The following CD9 variants were observed in gnomAD, a reference collection of about 807,000 sequenced individuals.
CD9 encodes the protein CD9 antigen.
Under a neutral mutation model 31.4 loss-of-function variants are expected in CD9, and 10 were observed. The ratio of observed to expected loss-of-function variants is 0.32; its 90% CI spans 0.20 to 0.54. The LOEUF (loss-of-function observed/expected upper bound fraction) is 0.54, where lower values mean the gene tolerates loss of function less well. Ranked by LOEUF, CD9 falls within the 20% of genes least tolerant of loss-of-function variation. The pLI, the probability that CD9 is intolerant of heterozygous loss-of-function variation, is 0.94. For synonymous variants in CD9, 113 were observed against 114.1 expected (o/e 0.99, Z 0.06); for missense variants, 259 against 300.1 (o/e 0.86, Z 1.01).
At chr12:6,214,677 TTC>T (rs962626949) in intron 1 of CD9, among the ~76,000 whole-genome samples, 1 of 152,098 alleles carries the variant, frequency 6.6e-6, no homozygotes, top group African/African-American at 2.4e-5. Flanking sequence ...AAAATTGTTT[TTC>T]TAGAGTTCGG....
chr12:6,201,161 T>A (rs936096673), intron 1 of CD9, among the ~76,000 whole-genome samples: 1 of 152,172 alleles, frequency 6.6e-6, no homozygotes, highest in Non-Finnish European at 1.5e-5. Flanking sequence ...CCCTCCACCC[T>A]TGAGGAGGAA....
chr12:6,232,788 C>A lies in CD9; in HGVS notation c.273+59C>A, dbSNP rs753350410. The A allele has an allele frequency of 7.1e-5, 80 of 1,120,362 alleles. No homozygotes were observed. Among genetic ancestry groups the A allele is most frequent in the Non-Finnish European group, 1.0e-4 (78 of 767,952 alleles). The allele number at this position is 1,120,362 out of a possible 1,614,324, so 69.4% of individuals were successfully genotyped here. On this transcript the variant is annotated intron_variant, in intron 3 of 7. Coordinates refer to ENST00000009180, the MANE Select transcript of CD9 (RefSeq NM_001769.4). The surrounding 1 kb of genome is among the most constrained non-coding windows in gnomAD (Gnocchi z 4.8). ...TGACTCCCACCAACAAAAACCTCAG[C>A]AGGCCCAGACCCAGACCACAGAACA...
intron 1 of CD9, among the ~76,000 whole-genome samples, chr12:6,206,994 C>T (rs1946139695): frequency 6.6e-6 from 1 of 151,768 alleles, no homozygotes; most frequent in Non-Finnish European, 1.5e-5. Flanking sequence ...GGGCTTTACA[C>T]AATCCTGGCC....
chr12:6,202,424 T>G (rs967614533), intron 1 of CD9, among the ~76,000 whole-genome samples: 1 of 152,176 alleles, frequency 6.6e-6, no homozygotes, highest in Non-Finnish European at 1.5e-5. Context: ...CCCTTGAACT[T>G]TGGGAGTTTT....
At position 6,215,618 on chromosome 12, in the gene CD9, G is replaced by A. The variant is rs545581522; in HGVS notation, c.67-9808G>A. On this transcript the variant is annotated intron_variant, in intron 1 of 7. Coordinates refer to ENST00000009180, the MANE Select transcript of CD9 (RefSeq NM_001769.4). ...GTTTGAGCACTGCCTTCAGACAGTG[G>A]CTCGGTAGAAGTCCCAAGAGCAGAA... Among the ~76,000 whole-genome samples the A allele has an allele frequency of 5.9e-5, 9 of 152,330 alleles. No individual in the cohort carries two copies. The South Asian group carries it at 6.2e-4, about 11-fold the overall frequency.
intron 4 of CD9, chr12:6,234,543 A>G (rs947316183): frequency 6.6e-6 from 1 of 152,252 alleles, no homozygotes; most frequent in Non-Finnish European, 1.5e-5. Context: ...TCATTGTGAA[A>G]AATGTCAGAC....
At position 6,232,318 on chromosome 12, in the gene CD9, A is replaced by C; in HGVS notation, c.176-314A>C. On this transcript the variant is annotated intron_variant, in intron 2 of 7. Transcript: ENST00000009180. The surrounding 1 kb of genome is among the most constrained non-coding windows in gnomAD (Gnocchi z 4.8). ...ACAGACTGGACCAGTTTGCATTCCG[A>C]ATGTAGGGATTCCCGTGGATATTCT... 2.3e-6 allele frequency: 1 copy of C among 439,418 alleles called. No individual in the cohort carries two copies. Among genetic ancestry groups the C allele is most frequent in the Non-Finnish European group, 4.2e-6 (1 of 238,802 alleles). The allele number at this position is 439,418 out of a possible 1,614,324, so 27.2% of individuals were successfully genotyped here. A position where few individuals can be genotyped will look rare whatever the true frequency, so the allele number is the denominator to read the frequency against.
At chr12:6,222,539 CG>C (rs1321904919) in intron 1 of CD9, among the ~76,000 whole-genome samples, 1 of 152,166 alleles carries the variant, frequency 6.6e-6, no homozygotes, top group Non-Finnish European at 1.5e-5. Flanking sequence ...GGTCCGAATG[CG>C]GGGGACTCCC....
Position 6,232,551 on chromosome 12 carries a change from A to T in CD9, c.176-81A>T. 1.2e-6 allele frequency: 1 copy of T among 854,048 alleles called. No individual in the cohort carries two copies. Among genetic ancestry groups the T allele is most frequent in the Non-Finnish European group, 1.9e-6 (1 of 521,138 alleles). 52.9% of individuals were successfully genotyped at this position (854,048 alleles called of 1,614,324 possible). A position where few individuals can be genotyped will look rare whatever the true frequency, so the allele number is the denominator to read the frequency against. On this transcript the variant is annotated intron_variant, in intron 2 of 7. Transcript: ENST00000009180. This position sits in a 1 kb window ranked among gnomAD's most constrained non-coding sequence, Gnocchi z 4.8. ...AGGTGGGGAGGCAGGAGTTAGGCAG[A>T]GGGAAACAGGAATTGCCGGAGATGC... is the stretch of plus-strand genomic sequence containing the variant.
rs71064199 is a variant in CD9, at chr12:6,209,679, C to CT, written c.66+9135dup. Among the ~76,000 whole-genome samples, 440 of 132,592 alleles carry CT rather than the reference C, an allele frequency of 3.3e-3. 2 individuals are homozygous for CT. Among genetic ancestry groups the CT allele is most frequent in the African/African-American group, 5.3e-3 (182 of 34,472 alleles). The allele number at this position is 132,592 out of a possible 152,430, so 87.0% of individuals were successfully genotyped here. On this transcript the variant is annotated intron_variant, in intron 1 of 7. Transcript: ENST00000009180. ...CTTTAGAGACCCAGACTGCAAATTT[C>CT]TTTTTTTTTTTTTTTTTTTTTCTGA...
chr12:6,213,088 C>T (rs1342770388), intron 1 of CD9, among the ~76,000 whole-genome samples: 1 of 152,182 alleles, frequency 6.6e-6, no homozygotes, highest in Non-Finnish European at 1.5e-5. Flanking sequence ...ACGATTGTTA[C>T]TGGGACTAAG....
chr12:6,229,991 C>T (rs1424928012), intron 2 of CD9, among the ~76,000 whole-genome samples: 1 of 152,178 alleles, frequency 6.6e-6, no homozygotes, highest in Non-Finnish European at 1.5e-5. Flanking sequence ...AACACTTTGT[C>T]ATTTATCAAC....
chr12:6,219,347 A>G (rs890228074), intron 1 of CD9, among the ~76,000 whole-genome samples: 2 of 152,036 alleles, frequency 1.3e-5, no homozygotes, highest in Admixed American at 1.3e-4. Flanking sequence ...AAGTCTGTAT[A>G]AGGATTTGCC....
At chr12:6,221,022 G>A (rs1223704788) in intron 1 of CD9, among the ~76,000 whole-genome samples, 9 of 152,142 alleles carry the variant, frequency 5.9e-5, no homozygotes, top group African/African-American at 2.2e-4. Flanking sequence ...GTCTTTCCTT[G>A]TTTTCCATGA....
intron 1 of CD9, among the ~76,000 whole-genome samples, chr12:6,222,613 G>A (rs1220191342): frequency 6.6e-6 from 1 of 152,192 alleles, no homozygotes; most frequent in Admixed American, 6.5e-5. Context: ...CTTTTCCCTC[G>A]TGGTTCCAGT....
chr12:6,202,655 C>T (rs995575739), intron 1 of CD9, among the ~76,000 whole-genome samples: 8 of 152,260 alleles, frequency 5.3e-5, no homozygotes, highest in East Asian at 3.8e-4. Context: ...GCAATCTGTC[C>T]GTACTGTCCT....
intron 1 of CD9, among the ~76,000 whole-genome samples, chr12:6,203,765 T>C (rs1946100056): frequency 6.6e-6 from 1 of 152,104 alleles, no homozygotes; most frequent in African/African-American, 2.4e-5. Context: ...CACACAAGTA[T>C]TTCTCCAGCT....
intron 1 of CD9, among the ~76,000 whole-genome samples, chr12:6,207,651 GA>G (rs1449401775): frequency 6.6e-6 from 1 of 152,224 alleles, no homozygotes; most frequent in Non-Finnish European, 1.5e-5. Flanking sequence ...AGGACTTGCA[GA>G]AAGGAGGAAT....
intron 2 of CD9, 21 bp downstream of exon 2, chr12:6,225,555 A>C (rs780646624): frequency 1.4e-6 from 2 of 1,448,820 alleles, no homozygotes; most frequent in Admixed American, 3.3e-5. Flanking sequence ...GGGAAGGCTC[A>C]GTGAATTCAG....
Sources: gnomAD v4.1 joint callset for allele counts (sites outside exome capture counted in the v4.1 genomes callset) on GRCh38, gnomAD v4.1.1 for gene constraint, Gnocchi (gnomAD v3.1) non-coding constraint, MANE v1.5 for transcripts, NCBI Gene and HGNC (gene_info 2026-07-23, HGNC 2026-07-21) for gene names.